The following HGF variants were observed in gnomAD, a reference collection of about 807,000 sequenced individuals.
The protein encoded by HGF is fibroblast-derived tumor cytotoxic factor.
A neutral mutation model predicts 111.6 loss-of-function variants in HGF; 39 were observed. That is an observed-to-expected ratio of 0.35 (90% CI 0.27 to 0.46). The LOEUF (loss-of-function observed/expected upper bound fraction) is 0.46. Ranked by LOEUF, HGF falls within the 20% of genes least tolerant of loss-of-function variation. The pLI is 1.00. For synonymous variants in HGF, 285 were observed against 294.8 expected, an observed-to-expected ratio of 0.97 and a Z score of 0.34; for missense variants, 735 against 910.5, an observed-to-expected ratio of 0.81 and a Z score of 2.48.
At chr7:81,769,606 C>T (rs887950661) in intron 1 of HGF, among the ~76,000 whole-genome samples, 1 of 152,182 alleles carries the variant, frequency 6.6e-6, no homozygotes, top group Admixed American at 6.5e-5. Context: ...TCCTCCCTAT[C>T]TCATAATCCA....
Position 81,717,254 on chromosome 7 carries a change from C to G in HGF, c.1383G>C (p.Trp461Cys), listed in dbSNP as rs2115848361. 6.2e-7 allele frequency: 1 copy of G among 1,613,578 alleles called. No individual in the cohort carries two copies. Among genetic ancestry groups the G allele is most frequent in the Non-Finnish European group, 8.5e-7 (1 of 1,179,682 alleles). Reference protein sequence around the residue: ...WCYTGNPLIPWDYCPISRCEG... With the variant: ...WCYTGNPLIPCDYCPISRCEG... Reference sequence around the variant, plus strand: ...TACAACGAGAAATAGGGCAATAATCCCAAGGAATGAGTGGATTTCCCGTGT... The same window carrying G: ...TACAACGAGAAATAGGGCAATAATCGCAAGGAATGAGTGGATTTCCCGTGT... The change falls in exon 11 of 18, where the codon TGG (tryptophan) becomes TGC (cysteine). Residue 461 changes from tryptophan to cysteine, a missense_variant. Coordinates refer to ENST00000222390, the MANE Select transcript of HGF (RefSeq NM_000601.6).
chr7:81,706,170 G>A (rs1789420395), intron 15 of HGF, 117 bp downstream of exon 15: 1 of 874,052 alleles, frequency 1.1e-6, no homozygotes, highest in East Asian at 2.5e-5. Context: ...TATACAGCAT[G>A]TAACATATGT....
At chr7:81,766,693 C>T (rs1789374306) in intron 1 of HGF, among the ~76,000 whole-genome samples, 1 of 152,106 alleles carries the variant, frequency 6.6e-6, no homozygotes, top group Non-Finnish European at 1.5e-5. Context: ...CTTCCTTCTC[C>T]TTTCCAGTTC....
At chr7:81,769,240 C>G (rs1187227139) in intron 1 of HGF, among the ~76,000 whole-genome samples, 1 of 152,114 alleles carries the variant, frequency 6.6e-6, no homozygotes, top group Non-Finnish European at 1.5e-5. Context: ...AAGTGGGAGA[C>G]AGAGATGGGC....
At chr7:81,749,764 A>G (rs1279527281) in intron 5 of HGF, among the ~76,000 whole-genome samples, 1 of 152,082 alleles carries the variant, frequency 6.6e-6, no homozygotes, top group Admixed American at 6.6e-5. Context: ...GTTTTAAATT[A>G]TAAGAAAATA....
intron 6 of HGF, among the ~76,000 whole-genome samples, chr7:81,743,984 A>G (rs1176766126): frequency 2.0e-5 from 3 of 152,138 alleles, no homozygotes; most frequent in African/African-American, 7.2e-5. Context: ...CCTCCCTTCA[A>G]ATGAACAGAG....
intron 10 of HGF, 100 bp downstream of exon 10, chr7:81,720,645 A>G (rs1789828388): frequency 1.4e-6 from 1 of 735,330 alleles, no homozygotes; most frequent in Non-Finnish European, 2.5e-6. Flanking sequence ...GCTTACCATG[A>G]TATATAAAAG....
chr7:81,736,674 G>T (rs1787835014), intron 7 of HGF: 1 of 461,626 alleles, frequency 2.2e-6, no homozygotes, highest in Non-Finnish European at 4.3e-6. Flanking sequence ...AGGCATGGCT[G>T]GGGTAAAGAG....
intron 5 of HGF, among the ~76,000 whole-genome samples, chr7:81,749,515 A>G (rs996864663): frequency 2.6e-5 from 4 of 152,110 alleles, no homozygotes; most frequent in Admixed American, 2.6e-4. Flanking sequence ...GCATATATAC[A>G]TTGTCAGTGG....
At chr7:81,742,860 T>A (rs946092604) in intron 7 of HGF, 1 of 1,602,346 alleles carries the variant, frequency 6.2e-7, no homozygotes, top group Non-Finnish European at 8.5e-7. Context: ...ACATCTGTGA[T>A]AAACTTCTAT....
At chr7:81,709,734 C>T (rs561308759) in intron 13 of HGF, among the ~76,000 whole-genome samples, 3 of 152,104 alleles carry the variant, frequency 2.0e-5, no homozygotes, top group Admixed American at 1.3e-4. Flanking sequence ...AAATTAAAAA[C>T]AAATATAAAT....
At chr7:81,762,905 CATT>C in intron 1 of HGF, 33 bp from the exon 2 acceptor site, 2 of 1,264,690 alleles carry the variant, frequency 1.6e-6, no homozygotes, top group Non-Finnish European at 1.1e-6. Flanking sequence ...AAAAAATAAA[CATT>C]GGAGAAATGT....
At chr7:81,752,744 G>A (rs1788564556) in intron 4 of HGF, among the ~76,000 whole-genome samples, 1 of 152,000 alleles carries the variant, frequency 6.6e-6, no homozygotes, top group Non-Finnish European at 1.5e-5. Context: ...ACAGATTCAT[G>A]AAGTAACATG....
In HGF at chr7:81,744,895, C is replaced by T. The variant is rs578135082; in HGVS notation, c.746+105G>A. The T allele has an allele frequency of 6.5e-4, 805 of 1,244,946 alleles. 12 individuals are homozygous for T. In the East Asian group the frequency reaches 0.019, roughly 29 times the overall value. The allele number at this position is 1,244,946 out of a possible 1,614,324, so 77.1% of individuals were successfully genotyped here. On this transcript the variant is annotated intron_variant, in intron 6 of 17. Transcript: ENST00000222390. ...GAGTTCTAAATGTTATGTTCATGTC[C>T]TATCGGGAAAACATAATATAAAGAG...
chr7:81,737,711 A>G (rs921041050), intron 7 of HGF, among the ~76,000 whole-genome samples: 1 of 152,150 alleles, frequency 6.6e-6, no homozygotes, highest in East Asian at 1.9e-4. Context: ...TTCCATTAAA[A>G]TATATTTATT....
At chr7:81,708,641 C>T (rs1789494204) in intron 13 of HGF, among the ~76,000 whole-genome samples, 1 of 135,504 alleles carries the variant, frequency 7.4e-6, no homozygotes, top group African/African-American at 2.7e-5. Context: ...ATGGGTTTTA[C>T]CACGTTGGCC....
chr7:81,702,497 G>T lies in HGF; in HGVS notation c.*84C>A. 8.9e-7 allele frequency: 1 copy of T among 1,129,656 alleles called. No homozygotes were observed. Among genetic ancestry groups the T allele is most frequent in the Non-Finnish European group, 1.3e-6 (1 of 745,894 alleles). The allele number at this position is 1,129,656 out of a possible 1,614,324, so 70.0% of individuals were successfully genotyped here. A position where few individuals can be genotyped will look rare whatever the true frequency, so the allele number is the denominator to read the frequency against. On this transcript the variant is annotated 3_prime_UTR_variant, in exon 18 of 18. Transcript: ENST00000222390. ...AGTAGTTGTCTTAGGATTGTTGTAA[G>T]TGACATTTTAAATTCCACATTCTCT...
intron 10 of HGF, among the ~76,000 whole-genome samples, chr7:81,718,076 C>T (rs2115853560): frequency 6.6e-6 from 1 of 152,248 alleles, no homozygotes; most frequent in South Asian, 2.1e-4. Context: ...TACATGGCCA[C>T]TTTGACTGAT....
At chr7:81,733,606 C>A (rs550278242) in intron 7 of HGF, among the ~76,000 whole-genome samples, 2 of 152,134 alleles carry the variant, frequency 1.3e-5, no homozygotes, top group East Asian at 3.9e-4. Context: ...TGCTAGAAGT[C>A]ACCCCATAAA....
Sources: allele counts gnomAD v4.1 joint callset (sites outside exome capture counted in the v4.1 genomes callset), GRCh38; gene constraint gnomAD v4.1.1; transcripts MANE v1.5; gene names NCBI Gene and HGNC (gene_info 2026-07-23, HGNC 2026-07-21).